The following SH3RF3 variants were observed in gnomAD, a reference collection of about 807,000 sequenced individuals.
SH3RF3 encodes E3 ubiquitin-protein ligase SH3RF3.
SH3RF3 carries 29 observed loss-of-function variants against 66.3 expected under a neutral mutation model. That is an observed-to-expected ratio of 0.44 (90% CI 0.33 to 0.60). The LOEUF (loss-of-function observed/expected upper bound fraction) is 0.60, where lower values mean the gene tolerates loss of function less well. SH3RF3 is among the 20% of genes least tolerant of loss of function. The probability of loss-of-function intolerance (pLI) is 0.04; values close to 1 mark genes in which losing one functional copy is unlikely to be tolerated. For missense variants in SH3RF3, 1,194 were observed against 1,190.9 expected (o/e 1.00, Z -0.04); for synonymous variants, 583 against 532.0 (o/e 1.10, Z -1.32).
intron 1 of SH3RF3, among the ~76,000 whole-genome samples, chr2:109,338,923 C>T (rs968269623): frequency 7.2e-5 from 11 of 151,820 alleles, no homozygotes; most frequent in South Asian, 2.1e-4. Context: ...ATAACACAAA[C>T]AGTTGATCAA....
chr2:109,418,479 G>A (rs1268444563), intron 4 of SH3RF3, among the ~76,000 whole-genome samples: 6 of 152,034 alleles, frequency 3.9e-5, no homozygotes, highest in East Asian at 1.9e-4. Context: ...GGTGGCTGCC[G>A]GCATCCTCAG....
At chr2:109,243,358 C>A (rs1177954450) in intron 1 of SH3RF3, among the ~76,000 whole-genome samples, 1 of 152,268 alleles carries the variant, frequency 6.6e-6, no homozygotes, top group Non-Finnish European at 1.5e-5. Context: ...TCCTTCTGTT[C>A]ACCCCTTACC....
chr2:109,267,184 C>T (rs1680516471), intron 1 of SH3RF3, among the ~76,000 whole-genome samples: 1 of 152,026 alleles, frequency 6.6e-6, no homozygotes, highest in South Asian at 2.1e-4. Context: ...CCCATGTGTG[C>T]TTAGGTTTCG....
intron 1 of SH3RF3, among the ~76,000 whole-genome samples, chr2:109,345,018 T>C (rs1682652763): frequency 6.6e-6 from 1 of 152,052 alleles, no homozygotes; most frequent in African/African-American, 2.4e-5. Context: ...CAGGCCACAG[T>C]GCTGATACCA....
chr2:109,290,508 T>C (rs1291570919), intron 1 of SH3RF3, among the ~76,000 whole-genome samples: 1 of 152,268 alleles, frequency 6.6e-6, no homozygotes, highest in Non-Finnish European at 1.5e-5. Context: ...TTTTCCTCAC[T>C]GTCTCCTACA....
chr2:109,501,607 AG>A lies in SH3RF3; in HGVS notation c.2589del (p.Thr864ProfsTer133). The A allele has an allele frequency of 1.3e-6, 1 of 779,382 alleles. No individual in the cohort carries two copies. The highest frequency in any genetic ancestry group is 2.4e-6 in the Non-Finnish European group (1 of 417,450). The allele number at this position is 779,382 out of a possible 1,614,324, so 48.3% of individuals were successfully genotyped here. ...VHKKREDGWY[K>X]GTLQRNGRTG... is the part of the protein sequence containing the mutation. ...AAGAAGCGTGAGGACGGCTGGTACA[AG>A]GGGACCCTGCAGCGGAACGGCCGCA... On this transcript the variant is annotated frameshift_variant, in exon 10 of 10. Transcript: ENST00000309415. LOFTEE classifies it high-confidence loss of function.
At chr2:109,447,448 A>G (rs1301607675) in intron 7 of SH3RF3, among the ~76,000 whole-genome samples, 3 of 152,108 alleles carry the variant, frequency 2.0e-5, no homozygotes, top group Non-Finnish European at 4.4e-5. Flanking sequence ...TATTGCATGT[A>G]TTTTCTTTCA....
intron 1 of SH3RF3, among the ~76,000 whole-genome samples, chr2:109,259,135 A>G (rs781707542): frequency 6.6e-6 from 1 of 152,258 alleles, no homozygotes; most frequent in African/African-American, 2.4e-5. Flanking sequence ...TAGCTGCAAC[A>G]TGCCACGCGG....
chr2:109,323,039 G>A (rs77600734), intron 1 of SH3RF3, among the ~76,000 whole-genome samples: 2,980 of 152,298 alleles, frequency 0.02, 54 homozygotes, highest in East Asian at 0.043. Flanking sequence ...AGGTGGTCTC[G>A]TTGAAATGTT....
At chr2:109,476,737 AGAATAGCTGTTCCATAGACAGCAGCCCTG>A in intron 8 of SH3RF3, among the ~76,000 whole-genome samples, 1 of 152,242 alleles carries the variant, frequency 6.6e-6, no homozygotes, top group Admixed American at 6.5e-5. Context: ...AAGGAATACA[AGAATAGCTGTTCCATAGACAGCAGCCCTG>A]AGGGCTGCTG....
chr2:109,373,072 T>TGTGC lies in SH3RF3; in HGVS notation c.945+1392_945+1395dup, dbSNP rs1341348958. Among the ~76,000 whole-genome samples the TGTGC allele has an allele frequency of 3.9e-5, 6 of 152,340 alleles. 1 individual carries two copies. The highest frequency in any genetic ancestry group is 3.9e-4 in the Admixed American group (6 of 15,298). On this transcript the variant is annotated intron_variant, in intron 3 of 9. Coordinates refer to ENST00000309415, the MANE Select transcript of SH3RF3 (RefSeq NM_001099289.3). Reference sequence around the variant, plus strand: ...GTGGTTCTCGCACATTTAGTTTGAATGTGCTGCCCAGGCCATCTGAGGCCC... The same window carrying TGTGC: ...GTGGTTCTCGCACATTTAGTTTGAATGTGCGTGCTGCCCAGGCCATCTGAGGCCC...
Position 109,130,000 on chromosome 2 carries a change from G to C in SH3RF3, c.460G>C (p.Gly154Arg). ...GGCCCCCACGCTCGCGGGCGGCGGGGGCGGCGCGGCAGGCAGCACCCCGGG... is the reference window on the plus strand; with the variant it reads ...GGCCCCCACGCTCGCGGGCGGCGGGCGCGGCGCGGCAGGCAGCACCCCGGG... ...SAAPTLAGGGGGAAGSTPGSP... is the reference protein window; with the variant it reads ...SAAPTLAGGGRGAAGSTPGSP... Residue 154 changes from glycine (G) to arginine (R), a missense_variant, in exon 1 of 10, where the codon GGC becomes CGC. Gly to Arg is a moderately radical substitution (Grantham distance 125, BLOSUM62 -2). Coordinates refer to ENST00000309415, the MANE Select transcript of SH3RF3 (RefSeq NM_001099289.3). The C allele has an allele frequency of 2.3e-6, 3 of 1,296,056 alleles. No individual in the cohort carries two copies. The highest frequency in any genetic ancestry group is 2.9e-6 in the Non-Finnish European group (3 of 1,026,730). 80.3% of individuals were successfully genotyped at this position (1,296,056 alleles called of 1,614,324 possible). A position where few individuals can be genotyped will look rare whatever the true frequency, so the allele number is the denominator to read the frequency against.
At chr2:109,172,553 T>C (rs1250029049) in intron 1 of SH3RF3, among the ~76,000 whole-genome samples, 1 of 152,248 alleles carries the variant, frequency 6.6e-6, no homozygotes, top group Non-Finnish European at 1.5e-5. Context: ...CTAGCTCTTG[T>C]TATTCCAAAC....
chr2:109,280,694 G>A (rs1680865678), intron 1 of SH3RF3, among the ~76,000 whole-genome samples: 2 of 152,228 alleles, frequency 1.3e-5, no homozygotes, highest in South Asian at 4.1e-4. Context: ...CTGCTTTGTA[G>A]CACCCAGCAG....
chr2:109,468,879 T>C (rs1402745499), intron 8 of SH3RF3, among the ~76,000 whole-genome samples: 1 of 144,248 alleles, frequency 6.9e-6, no homozygotes, highest in Non-Finnish European at 1.5e-5. Context: ...AAAAAAAAGT[T>C]AAATTCAGAG....
rs1270333005 is a variant in SH3RF3, at chr2:109,501,590, T to G, written c.2568T>G (p.Arg856=). Residue 856 remains arginine (R), a synonymous_variant, in exon 10 of 10, where the codon CGT becomes CGG. Coordinates refer to ENST00000309415, the MANE Select transcript of SH3RF3 (RefSeq NM_001099289.3). ...EGDIVFVHKK[R]EDGWYKGTLQ... The stretch of plus-strand genomic sequence containing the variant: ...ACATCGTCTTTGTGCACAAGAAGCG[T>G]GAGGACGGCTGGTACAAGGGGACCC... 2.6e-6 allele frequency: 2 copies of G among 779,466 alleles called. No individual in the cohort carries two copies. Among genetic ancestry groups the G allele is most frequent in the Middle Eastern group, 2.2e-4 (1 of 4,460 alleles). The allele number at this position is 779,466 out of a possible 1,614,324, so 48.3% of individuals were successfully genotyped here.
intron 1 of SH3RF3, among the ~76,000 whole-genome samples, chr2:109,204,478 G>GC (rs1320066030): frequency 5.9e-5 from 9 of 152,078 alleles, no homozygotes; most frequent in Non-Finnish European, 1.3e-4. Flanking sequence ...CTTTTGTTAT[G>GC]CCCCTCCAAT....
At position 109,367,034 on chromosome 2, in the gene SH3RF3, A is replaced by G. The variant is rs916895781; in HGVS notation, c.850-4552A>G. Among the ~76,000 whole-genome samples the G allele has an allele frequency of 2.0e-5, 3 of 151,828 alleles. No homozygotes were observed. In the East Asian group the frequency reaches 5.8e-4, roughly 29 times the overall value. On this transcript the variant is annotated intron_variant, in intron 2 of 9. Transcript: ENST00000309415. ...AGTGGCATGATCTTGGTTCACTGCA[A>G]CTTTCACCTCCTGGTTCAAGAGATT... is the stretch of plus-strand genomic sequence containing the variant.
chr2:109,219,063 C>G (rs768441211), intron 1 of SH3RF3, among the ~76,000 whole-genome samples: 12 of 152,102 alleles, frequency 7.9e-5, no homozygotes, highest in Non-Finnish European at 1.8e-4. Flanking sequence ...TTTAGCTGAC[C>G]TTAATTTGGA....
Sources: allele counts gnomAD v4.1 joint callset (sites outside exome capture counted in the v4.1 genomes callset), GRCh38; gene constraint gnomAD v4.1.1; transcripts MANE v1.5; gene names NCBI Gene and HGNC (gene_info 2026-07-23, HGNC 2026-07-21).